The following ETV7 variants were observed in gnomAD, a reference collection of about 807,000 sequenced individuals.
The protein encoded by ETV7 is transcription factor ETV7.
In ETV7, 43 loss-of-function variants were observed where a neutral mutation model predicts 39.1. That is an observed-to-expected ratio of 1.10 (90% CI 0.86 to 1.42). The LOEUF (loss-of-function observed/expected upper bound fraction) is 1.42, where lower values mean the gene tolerates loss of function less well. Ranked by LOEUF, ETV7 falls within the 40% of genes most tolerant of loss-of-function variation. The probability of loss-of-function intolerance (pLI) is 0.00; values close to 1 mark genes in which losing one functional copy is unlikely to be tolerated. For missense variants in ETV7, 432 were observed against 442.3 expected (o/e 0.98, Z 0.21); for synonymous variants, 196 against 176.6 (o/e 1.11, Z -0.87).
intron 3 of ETV7, among the ~76,000 whole-genome samples, chr6:36,374,144 A>G (rs12530397): frequency 0.17 from 26,368 of 151,934 alleles, 2,508 homozygotes; most frequent in Admixed American, 0.27. Flanking sequence ...GATTGCTTGA[A>G]CCCAGGAGTT....
At position 36,366,352 on chromosome 6, in the gene ETV7, G is replaced by A. The variant is rs1772714798; in HGVS notation, c.*293C>T. 1 of 1,217,836 alleles carries A rather than the reference G, an allele frequency of 8.2e-7. No individual in the cohort carries two copies. 75.4% of individuals were successfully genotyped at this position (1,217,836 alleles called of 1,614,324 possible). On this transcript the variant is annotated 3_prime_UTR_variant, in exon 8 of 8. Transcript: ENST00000340181. The stretch of plus-strand genomic sequence containing the variant: ...TCATCTGGTAAATTCCATTTACAGG[G>A]GTGGGGCTGGGTGCTCTATCGGTGC...
downstream of ETV7, among the ~76,000 whole-genome samples, chr6:36,362,455 C>G (rs1340855903): frequency 3.9e-5 from 6 of 151,908 alleles, no homozygotes; most frequent in African/African-American, 1.5e-4. Flanking sequence ...AGCAAAACAC[C>G]TCAAAAAAAA....
intron 7 of ETV7, among the ~76,000 whole-genome samples, chr6:36,356,323 C>CAAAAAAAAAAAAAAAAA (rs59649348): frequency 2.2e-4 from 17 of 77,664 alleles, no homozygotes; most frequent in Non-Finnish European, 3.5e-4. Flanking sequence ...GACCCTGTCT[C>CAAAAAAAAAAAAAAAAA]AAAAAAAAAA....
chr6:36,383,775 A>G (rs984256135), intron 2 of ETV7, among the ~76,000 whole-genome samples: 3 of 152,252 alleles, frequency 2.0e-5, no homozygotes, highest in African/African-American at 7.2e-5. Flanking sequence ...ACTAAGGGCC[A>G]GAACTGTATT....
chr6:36,366,520 C>T lies in ETV7; in HGVS notation c.*125G>A, dbSNP rs1441716336. On this transcript the variant is annotated 3_prime_UTR_variant, in exon 8 of 8. Coordinates refer to ENST00000340181, the MANE Select transcript of ETV7 (RefSeq NM_016135.4). The stretch of plus-strand genomic sequence containing the variant: ...GCCTCCCAGCCTTCCCAAGCAATGG[C>T]TGTAATCCTGTGGGTACAGAGTCTG... 6.5e-6 allele frequency: 10 copies of T among 1,547,198 alleles called. No individual in the cohort carries two copies. Among genetic ancestry groups the T allele is most frequent in the Non-Finnish European group, 8.7e-6 (10 of 1,149,106 alleles).
intron 5 of ETV7, 99 bp from the exon 6 acceptor site, chr6:36,369,170 T>A: frequency 7.3e-7 from 1 of 1,367,248 alleles, no homozygotes; most frequent in Non-Finnish European, 1.0e-6. Flanking sequence ...GCCAGAGCCC[T>A]AGGAGCACCA....
Position 36,369,011 on chromosome 6 carries a change from T to C in ETV7, c.725A>G (p.Tyr242Cys). 2 of 1,614,210 alleles carry C rather than the reference T, an allele frequency of 1.2e-6. No homozygotes were observed. Among genetic ancestry groups the C allele is most frequent in the Non-Finnish European group, 1.7e-6 (2 of 1,180,032 alleles). Reference protein sequence around the residue: ...QLLLDTRYEPYIKWEDKDAKI... With the variant: ...QLLLDTRYEPCIKWEDKDAKI... ...GGCGTCCTTGTCTTCCCACTTGATG[T>C]AGGGCTCATATCGGGTATCAAGGAG... The change falls in exon 6 of 8, where the codon TAC becomes TGC. Residue 242 changes from tyrosine to cysteine, a missense_variant. Tyr to Cys is a radical substitution (Grantham distance 194). Coordinates refer to ENST00000340181, the MANE Select transcript of ETV7 (RefSeq NM_016135.4).
chr6:36,377,726 T>G (rs1208700393), intron 2 of ETV7, among the ~76,000 whole-genome samples: 2 of 152,186 alleles, frequency 1.3e-5, no homozygotes, highest in East Asian at 3.8e-4. Context: ...ATCTAATGAG[T>G]ACCAGCTTGT....
At chr6:36,376,259 C>CA (rs1348174024) in intron 2 of ETV7, among the ~76,000 whole-genome samples, 2 of 143,044 alleles carry the variant, frequency 1.4e-5, no homozygotes, top group Non-Finnish European at 2.9e-5. Flanking sequence ...ATGTATGTAG[C>CA]ATGTATTTAT....
chr6:36,354,724 G>C (rs550266142), intron 7 of ETV7: 1 of 693,760 alleles, frequency 1.4e-6, no homozygotes, highest in African/African-American at 1.8e-5. Context: ...AATTTTGATA[G>C]GGATTGCATT....
At chr6:36,387,455 T>G in intron 1 of ETV7, 81 bp downstream of exon 1, 2 of 1,588,698 alleles carry the variant, frequency 1.3e-6, no homozygotes, top group South Asian at 2.2e-5. Context: ...AAAATAGGTT[T>G]GGAAATCTAG....
At chr6:36,365,593 G>A (rs573536391), downstream of ETV7, among the ~76,000 whole-genome samples, 10 of 152,230 alleles carry the variant, frequency 6.6e-5, no homozygotes, top group South Asian at 4.1e-4. Flanking sequence ...TCACTGGGTC[G>A]TAGTCACTGA....
rs1773686065 is a variant in ETV7, at chr6:36,382,115, T to G, written c.142+3419A>C. ...GTTTTACACCCACATCCATCTAATCTCCTGCTTCTCATAGGCCATGATCTA... is the reference window on the plus strand; with the variant it reads ...GTTTTACACCCACATCCATCTAATCGCCTGCTTCTCATAGGCCATGATCTA... On this transcript the variant is annotated intron_variant, in intron 2 of 7. Transcript: ENST00000340181. Among the ~76,000 whole-genome samples the G allele has an allele frequency of 3.9e-5, 6 of 152,254 alleles. No individual in the cohort carries two copies. The South Asian group carries it at 1.0e-3, about 26-fold the overall frequency.
chr6:36,373,707 A>C, intron 3 of ETV7, 129 bp from the exon 4 acceptor site: 1 of 1,068,922 alleles, frequency 9.4e-7, no homozygotes, highest in Non-Finnish European at 1.3e-6. Context: ...TGCCGATGGC[A>C]AAGGGGTTCC....
chr6:36,371,196 T>C, intron 5 of ETV7, 134 bp downstream of exon 5: 1 of 892,188 alleles, frequency 1.1e-6, no homozygotes, highest in Non-Finnish European at 1.8e-6. Context: ...CACAGGACAG[T>C]CAACGCTACC....
intron 3 of ETV7, among the ~76,000 whole-genome samples, chr6:36,374,289 T>C (rs1773193094): frequency 6.6e-6 from 1 of 151,696 alleles, no homozygotes; most frequent in South Asian, 2.1e-4. Flanking sequence ...CCCAGGAGGT[T>C]GAGGCACAAG....
chr6:36,376,526 T>C lies in ETV7; in HGVS notation c.143-491A>G, dbSNP rs577979447. ...GGCGCGGTGGCTCATGCCTGTAATC[T>C]CAGCATTTTGGGAGGCCGAGGCGGG... On this transcript the variant is annotated intron_variant, in intron 2 of 7. Coordinates refer to ENST00000340181, the MANE Select transcript of ETV7 (RefSeq NM_016135.4). Among the ~76,000 whole-genome samples, 56 of 152,210 alleles carry C rather than the reference T, an allele frequency of 3.7e-4. No homozygotes were observed. The East Asian group carries it at 5.6e-3, about 15-fold the overall frequency.
chr6:36,366,550 G>A lies in ETV7; in HGVS notation c.*95C>T. The A allele has an allele frequency of 6.3e-7, 1 of 1,588,126 alleles. No homozygotes were observed. Among genetic ancestry groups the A allele is most frequent in the Middle Eastern group, 2.2e-4 (1 of 4,570 alleles). On this transcript the variant is annotated 3_prime_UTR_variant, in exon 8 of 8. Coordinates refer to ENST00000340181, the MANE Select transcript of ETV7 (RefSeq NM_016135.4). ...ATCCTGTGGGTACAGAGTCTGGCTG[G>A]GGATCCTGCTGCTCTGCTGGGAGGA...
rs762226673 is a variant in ETV7, at chr6:36,368,900, T to A, written c.807+29A>T. 9.3e-6 allele frequency: 15 copies of A among 1,613,974 alleles called. No individual in the cohort carries two copies. In the South Asian group the frequency reaches 1.6e-4, roughly 18 times the overall value. On this transcript the variant is annotated intron_variant, in intron 6 of 7. Coordinates refer to ENST00000340181, the MANE Select transcript of ETV7 (RefSeq NM_016135.4). ...CCAACTCTGTCCCCTTCTGGTTATG[T>A]TGAGACCATTCTGCTGGCCGAGGCT...
Sources: gnomAD v4.1 joint callset for allele counts (sites outside exome capture counted in the v4.1 genomes callset) on GRCh38, gnomAD v4.1.1 for gene constraint, MANE v1.5 for transcripts, NCBI Gene and HGNC (gene_info 2026-07-23, HGNC 2026-07-21) for gene names.